Variants in FAM234B observed in about 807,000 individuals in gnomAD.
FAM234B encodes the protein family with sequence similarity 234 member B, also known as protein FAM234B.
In FAM234B, 33 loss-of-function variants were observed where a neutral mutation model predicts 69.3. The ratio of observed to expected loss-of-function variants is 0.48; its 90% CI spans 0.36 to 0.64. The LOEUF (loss-of-function observed/expected upper bound fraction) is 0.64, where lower values mean the gene tolerates loss of function less well. Ranked by LOEUF, FAM234B falls within the 30% of genes least tolerant of loss-of-function variation. FAM234B has a pLI of 0.00. For synonymous variants in FAM234B, 306 were observed against 306.9 expected, an observed-to-expected ratio of 1.00 and a Z score of 0.03; for missense variants, 697 against 769.7, an observed-to-expected ratio of 0.91 and a Z score of 1.12.
chr12:13,050,685 C>G (rs1864866495), intron 1 of FAM234B, among the ~76,000 whole-genome samples: 1 of 151,980 alleles, frequency 6.6e-6, no homozygotes, highest in Non-Finnish European at 1.5e-5. Flanking sequence ...GTCATTTTAC[C>G]TCTTTAATTT....
intron 3 of FAM234B, among the ~76,000 whole-genome samples, chr12:13,060,169 G>A (rs1330015384): frequency 6.6e-6 from 1 of 152,206 alleles, no homozygotes; most frequent in African/African-American, 2.4e-5. Context: ...GTAAATGATA[G>A]AGCTGGGGAT....
intron 5 of FAM234B, among the ~76,000 whole-genome samples, chr12:13,063,177 G>A (rs895598489): frequency 3.0e-4 from 45 of 152,316 alleles, no homozygotes; most frequent in African/African-American, 1.0e-3. Context: ...TGGCTCCATG[G>A]ACTGGGGTGT....
chr12:13,061,795 T>C, intron 4 of FAM234B, 32 bp downstream of exon 4: 2 of 1,585,696 alleles, frequency 1.3e-6, no homozygotes, highest in Non-Finnish European at 1.7e-6. Context: ...AGAACTTTGC[T>C]CCTACGAGCC....
Position 13,044,561 on chromosome 12 carries a change from C to A in FAM234B, c.37+121C>A. 1 of 1,096,690 alleles carries A rather than the reference C, an allele frequency of 9.1e-7. No individual in the cohort carries two copies. Among genetic ancestry groups the A allele is most frequent in the South Asian group, 1.5e-5 (1 of 68,842 alleles). 67.9% of individuals were successfully genotyped at this position (1,096,690 alleles called of 1,614,324 possible). A position where few individuals can be genotyped will look rare whatever the true frequency, so the allele number is the denominator to read the frequency against. ...CAACCCAGACTCAGCTGCAGGCGCC[C>A]GGTGCCGAGGAGGGTGCAGTCCCTT... is the stretch of plus-strand genomic sequence containing the variant. On this transcript the variant is annotated intron_variant, in intron 1 of 12. Coordinates refer to ENST00000197268, the MANE Select transcript of FAM234B (RefSeq NM_020853.2). This position sits in a 1 kb window ranked among gnomAD's most constrained non-coding sequence, Gnocchi z 5.6.
chr12:13,058,441 T>C lies in FAM234B; in HGVS notation c.434-10T>C. The C allele has an allele frequency of 6.2e-7, 1 of 1,612,744 alleles. No homozygotes were observed. Among genetic ancestry groups the C allele is most frequent in the South Asian group, 1.1e-5 (1 of 91,044 alleles). On this transcript the variant is annotated splice_polypyrimidine_tract_variant and intron_variant, in intron 2 of 12. Coordinates refer to ENST00000197268, the MANE Select transcript of FAM234B (RefSeq NM_020853.2). ...CTCAGGACCTTTTTGGTTTTTTATG[T>C]GTATAACAGGTGGGGACCTGTCTCC...
chr12:13,078,283 G>A (rs868703271), intron 11 of FAM234B, among the ~76,000 whole-genome samples: 484 of 151,868 alleles, frequency 3.2e-3, no homozygotes, highest in African/African-American at 7.3e-3. Flanking sequence ...ATTAGATCCC[G>A]TTTGTCAATT....
At chr12:13,045,661 G>A (rs1044314374) in intron 1 of FAM234B, among the ~76,000 whole-genome samples, 8 of 152,064 alleles carry the variant, frequency 5.3e-5, no homozygotes, top group Non-Finnish European at 1.2e-4. Flanking sequence ...AACATTGGAA[G>A]GAACACTGAT....
intron 1 of FAM234B, among the ~76,000 whole-genome samples, chr12:13,049,369 G>A (rs547596857): frequency 2.6e-5 from 4 of 152,170 alleles, no homozygotes; most frequent in East Asian, 3.9e-4. Flanking sequence ...CAGTAGAGAC[G>A]GGGTCTCGCC....
At position 13,068,439 on chromosome 12, in the gene FAM234B, C is replaced by G; in HGVS notation, c.1278C>G (p.Gly426=). 6.2e-7 allele frequency: 1 copy of G among 1,614,054 alleles called. No homozygotes were observed. ...CTTACTGGGCATTGAGACTTCAAGG[C>G]CTGCGCAGGTTTGCATTGTGTTCCT... is the stretch of plus-strand genomic sequence containing the variant. ...LTPYWALRLQ[G]LRSQPTPGYF... The change falls in exon 8 of 13, where the codon GGC becomes GGG. Residue 426 remains glycine (G), a synonymous_variant. Coordinates refer to ENST00000197268, the MANE Select transcript of FAM234B (RefSeq NM_020853.2).
rs149727441 is a variant in FAM234B, at chr12:13,048,600, C to T, written c.37+4160C>T. Among the ~76,000 whole-genome samples the T allele has an allele frequency of 4.6e-4, 69 of 150,152 alleles. No homozygotes were observed. The East Asian group carries it at 0.012, about 26-fold the overall frequency. On this transcript the variant is annotated intron_variant, in intron 1 of 12. Coordinates refer to ENST00000197268, the MANE Select transcript of FAM234B (RefSeq NM_020853.2). The stretch of plus-strand genomic sequence containing the variant: ...TCACCTTTGTTGTCAGTATCTATCA[C>T]GTTGTTTCTAGTCTTTTTAAAGCCT...
rs1425589265 is a variant in FAM234B, at chr12:13,067,140, C to T, written c.1001-15C>T. ...TAAATTCAACTTCTCAGTGTTGGTT[C>T]TTCTGTGGTGCTAGGAAATATACAA... On this transcript the variant is annotated splice_polypyrimidine_tract_variant and intron_variant, in intron 6 of 12. Coordinates refer to ENST00000197268, the MANE Select transcript of FAM234B (RefSeq NM_020853.2). The surrounding 1 kb of genome is among the most constrained non-coding windows in gnomAD (Gnocchi z 4.7). The T allele has an allele frequency of 1.9e-6, 3 of 1,613,786 alleles. No homozygotes were observed. The highest frequency in any genetic ancestry group is 3.3e-5 in the Admixed American group (2 of 59,992).
intron 1 of FAM234B, among the ~76,000 whole-genome samples, chr12:13,050,412 G>C (rs886506386): frequency 6.6e-6 from 1 of 152,132 alleles, no homozygotes; most frequent in African/African-American, 2.4e-5. Context: ...CTGCCGTCCT[G>C]ACAGTGTGCT....
At chr12:13,080,290 G>A (rs928383596) in intron 12 of FAM234B, among the ~76,000 whole-genome samples, 4 of 152,152 alleles carry the variant, frequency 2.6e-5, no homozygotes, top group Admixed American at 6.5e-5. Flanking sequence ...GGGTGGCTAC[G>A]ACTGGTATTT....
At chr12:13,071,936 ATGTTACAC>A (rs1865110809) in intron 10 of FAM234B, among the ~76,000 whole-genome samples, 1 of 152,200 alleles carries the variant, frequency 6.6e-6, no homozygotes, top group Non-Finnish European at 1.5e-5. Flanking sequence ...AAAGTCTTAA[ATGTTACAC>A]TGCAGTATTT....
intron 10 of FAM234B, among the ~76,000 whole-genome samples, chr12:13,075,610 CTT>C (rs5796522): frequency 6.8e-4 from 83 of 122,858 alleles, no homozygotes; most frequent in Admixed American, 1.0e-3. Flanking sequence ...TTTTTTTTCT[CTT>C]TTTTTTTTTT....
chr12:13,049,532 T>G (rs1048668961), intron 1 of FAM234B, among the ~76,000 whole-genome samples: 1 of 152,248 alleles, frequency 6.6e-6, no homozygotes, highest in Non-Finnish European at 1.5e-5. Flanking sequence ...TGTTCAGAAC[T>G]GCCAGCTGTA....
intron 4 of FAM234B, chr12:13,062,615 C>A: frequency 2.5e-6 from 1 of 404,370 alleles, no homozygotes. Flanking sequence ...CTAAAAAAAT[C>A]TAGGTGAGAA....
chr12:13,046,449 T>C (rs1463112882), intron 1 of FAM234B, among the ~76,000 whole-genome samples: 3 of 151,826 alleles, frequency 2.0e-5, no homozygotes, highest in Non-Finnish European at 4.4e-5. Context: ...TTTCTTTGTT[T>C]GTTTTTTTGT....
In FAM234B at chr12:13,067,034, C is replaced by T. The variant is rs1233127845; in HGVS notation, c.1001-121C>T. The T allele has an allele frequency of 1.7e-6, 2 of 1,175,094 alleles. No homozygotes were observed. Among genetic ancestry groups the T allele is most frequent in the Admixed American group, 3.9e-5 (2 of 51,024 alleles). 72.8% of individuals were successfully genotyped at this position (1,175,094 alleles called of 1,614,324 possible). A position where few individuals can be genotyped will look rare whatever the true frequency, so the allele number is the denominator to read the frequency against. ...CACCTCCCCACTTGTTCCGTGTTGT[C>T]CAGTCTGGGCGGGCTCTGTTAGACC... On this transcript the variant is annotated intron_variant, in intron 6 of 12. Coordinates refer to ENST00000197268, the MANE Select transcript of FAM234B (RefSeq NM_020853.2). This position sits in a 1 kb window ranked among gnomAD's most constrained non-coding sequence, Gnocchi z 4.7.
Sources: gnomAD v4.1 joint callset for allele counts (sites outside exome capture counted in the v4.1 genomes callset) on GRCh38, gnomAD v4.1.1 for gene constraint, Gnocchi (gnomAD v3.1) non-coding constraint, MANE v1.5 for transcripts, NCBI Gene and HGNC (gene_info 2026-07-23, HGNC 2026-07-21) for gene names.